PRKCA: variants seen among roughly 807,000 people sequenced by gnomAD.
PRKCA encodes the protein protein kinase C alpha type.
In PRKCA, 27 loss-of-function variants were observed where a neutral mutation model predicts 87.0. The observed-to-expected ratio is 0.31, with a 90% confidence interval of 0.23 to 0.43. The LOEUF is 0.43. Among genes scored for constraint, PRKCA ranks in the 20% least tolerant of loss-of-function variants. PRKCA has a pLI of 1.00. For synonymous variants in PRKCA, 329 were observed against 311.1 expected, an observed-to-expected ratio of 1.06 and a Z score of -0.61; for missense variants, 518 against 852.3, an observed-to-expected ratio of 0.61 and a Z score of 4.88.
rs577471542 is a variant in PRKCA at position 66,691,359 on chromosome 17, A to G, written c.918+2312A>G. On this transcript the variant is annotated intron_variant, in intron 8 of 16. Transcript: ENST00000413366. ...CTGTGTAACTACTATTTGTCTATCTATCAATAGAGAGAAAAGAATGAGATT... is the reference window on the plus strand; with the variant it reads ...CTGTGTAACTACTATTTGTCTATCTGTCAATAGAGAGAAAAGAATGAGATT... Among the ~76,000 whole-genome samples, 3 of 152,326 alleles carry G rather than the reference A, an allele frequency of 2.0e-5. No homozygotes were observed. In the South Asian group the frequency reaches 6.2e-4, roughly 32 times the overall value.
At chr17:66,368,354 G>GTA (rs1387907195) in intron 2 of PRKCA, among the ~76,000 whole-genome samples, 19 of 101,656 alleles carry the variant, frequency 1.9e-4, no homozygotes, top group African/African-American at 5.1e-4. Flanking sequence ...GTGTGTGTGT[G>GTA]TGTGTATATG....
At chr17:66,470,998 CT>C (rs757780852) in intron 2 of PRKCA, among the ~76,000 whole-genome samples, 624 of 138,582 alleles carry the variant, frequency 4.5e-3, no homozygotes, top group South Asian at 8.1e-3. Context: ...TATTTGGGAA[CT>C]TTTTTTTTTT....
intron 8 of PRKCA, chr17:66,703,725 G>A (rs954256760): frequency 1.3e-5 from 2 of 151,898 alleles, no homozygotes; most frequent in African/African-American, 4.8e-5. Context: ...AACCCAGGAG[G>A]TGGAGGTTGC....
intron 3 of PRKCA, among the ~76,000 whole-genome samples, chr17:66,515,193 T>G (rs1239554297): frequency 6.7e-6 from 1 of 148,152 alleles, no homozygotes; most frequent in Non-Finnish European, 1.5e-5. Flanking sequence ...GAGGCGGAGG[T>G]TGCAGTGAGC....
chr17:66,346,484 A>G (rs1907379918), intron 2 of PRKCA, among the ~76,000 whole-genome samples: 1 of 151,832 alleles, frequency 6.6e-6, no homozygotes, highest in African/African-American at 2.4e-5. Flanking sequence ...CTTGGGCTCA[A>G]GCTTCTTGCT....
chr17:66,406,584 G>GTTTTTTTT (rs1242757426), intron 2 of PRKCA, among the ~76,000 whole-genome samples: 1 of 21,300 alleles, frequency 4.7e-5, no homozygotes, highest in Non-Finnish European at 1.6e-4. Context: ...AGCTTTTCCA[G>GTTTTTTTT]GTTTTTTTTT....
intron 2 of PRKCA, among the ~76,000 whole-genome samples, chr17:66,399,740 G>A (rs1046672630): frequency 6.6e-5 from 10 of 152,234 alleles, no homozygotes; most frequent in Admixed American, 4.6e-4. Flanking sequence ...GTTTCACTTA[G>A]CGTACTATCC....
At chr17:66,731,188 T>A (rs140908026) in intron 8 of PRKCA, among the ~76,000 whole-genome samples, 3,360 of 151,914 alleles carry the variant, frequency 0.022, 113 homozygotes, top group African/African-American at 0.077. Flanking sequence ...CCATCTCTAC[T>A]AAACATACAA....
chr17:66,525,332 G>A (rs1235902778), intron 3 of PRKCA, among the ~76,000 whole-genome samples: 2 of 152,126 alleles, frequency 1.3e-5, no homozygotes, highest in Non-Finnish European at 2.9e-5. Flanking sequence ...ACTAATAATT[G>A]AAAGATGTAA....
At chr17:66,441,162 CAAAAAA>C (rs199828612) in intron 2 of PRKCA, among the ~76,000 whole-genome samples, 3 of 107,246 alleles carry the variant, frequency 2.8e-5, no homozygotes, top group Admixed American at 9.5e-5. Flanking sequence ...ACTCTGTCTC[CAAAAAA>C]AAAAAAAAAA....
chr17:66,657,190 A>G (rs2362707), intron 5 of PRKCA, among the ~76,000 whole-genome samples: 138,893 of 152,304 alleles, frequency 0.91, 63,538 homozygotes, highest in African/African-American at 0.98. Flanking sequence ...CATCCCCATG[A>G]GGGACTTTTT....
intron 2 of PRKCA, among the ~76,000 whole-genome samples, chr17:66,339,209 A>G (rs1906890171): frequency 6.6e-6 from 1 of 152,222 alleles, no homozygotes; most frequent in South Asian, 2.1e-4. Context: ...ATCTGGAGTT[A>G]TAACCTTCCA....
At chr17:66,744,940 C>T (rs1342750348) in intron 13 of PRKCA, among the ~76,000 whole-genome samples, 1 of 152,242 alleles carries the variant, frequency 6.6e-6, no homozygotes, top group Admixed American at 6.5e-5. Flanking sequence ...CTTCCAATCT[C>T]TCTGTCTTTT....
intron 2 of PRKCA, among the ~76,000 whole-genome samples, chr17:66,426,760 C>A (rs1310434144): frequency 6.6e-6 from 1 of 152,154 alleles, no homozygotes; most frequent in African/African-American, 2.4e-5. Flanking sequence ...AGAAAGGTTT[C>A]TTTACCCTAA....
At chr17:66,595,634 T>G (rs1026077944) in intron 3 of PRKCA, among the ~76,000 whole-genome samples, 2 of 152,032 alleles carry the variant, frequency 1.3e-5, no homozygotes, top group African/African-American at 4.8e-5. Context: ...CAATTTTTTT[T>G]GTATCTTTGG....
At chr17:66,634,568 G>C (rs1971105284) in intron 3 of PRKCA, among the ~76,000 whole-genome samples, 2 of 152,226 alleles carry the variant, frequency 1.3e-5, no homozygotes. Flanking sequence ...TCTGTGGGAT[G>C]ACTTTATCTA....
intron 3 of PRKCA, among the ~76,000 whole-genome samples, chr17:66,508,642 G>T (rs1449686647): frequency 6.6e-6 from 1 of 152,140 alleles, no homozygotes; most frequent in African/African-American, 2.4e-5. Context: ...GATTTTCTTG[G>T]TTGTCTCCAT....
intron 2 of PRKCA, among the ~76,000 whole-genome samples, chr17:66,342,441 AAATAAT>A (rs199510095): frequency 0.18 from 25,598 of 142,862 alleles, 3,107 homozygotes; most frequent in African/African-American, 0.34. Flanking sequence ...AAAATAAAAT[AAATAAT>A]AATAATAATA....
At chr17:66,738,928 C>G (rs990134241) in intron 11 of PRKCA, 73 bp downstream of exon 11, 4 of 1,194,844 alleles carry the variant, frequency 3.3e-6, no homozygotes, top group Non-Finnish European at 4.9e-6. Flanking sequence ...TTTTTTCCCC[C>G]CCGCTTGAGA....
Sources: allele counts gnomAD v4.1 joint callset (sites outside exome capture counted in the v4.1 genomes callset), GRCh38; gene constraint gnomAD v4.1.1; transcripts MANE v1.5; gene names NCBI Gene and HGNC (gene_info 2026-07-23, HGNC 2026-07-21).